The following ZNF322 variants were observed in gnomAD, a reference collection of about 807,000 sequenced individuals.
The protein encoded by ZNF322 is zinc finger protein 322.
Under a neutral mutation model 18.3 loss-of-function variants are expected in ZNF322, and 1 was observed. The observed-to-expected ratio is 0.05, with a 90% CI of 0.02 to 0.26. The LOEUF (loss-of-function observed/expected upper bound fraction) is 0.26. Ranked by LOEUF, ZNF322 falls within the 10% of genes least tolerant of loss-of-function variation. ZNF322 has a pLI of 1.00. For synonymous variants in ZNF322, 17 were observed against 130.7 expected (o/e 0.13, Z 5.93); for missense variants, 36 against 403.6 (o/e 0.09, Z 7.80).
At chr6:26,649,635 ATATG>A (rs1438302039) in intron 2 of ZNF322, among the ~76,000 whole-genome samples, 11 of 68,482 alleles carry the variant, frequency 1.6e-4, no homozygotes, top group South Asian at 5.5e-4. Context: ...ATATACATAC[ATATG>A]TGTGTGTGTG....
intron 2 of ZNF322, among the ~76,000 whole-genome samples, chr6:26,652,344 AATATAC>A (rs1219161973): frequency 6.6e-6 from 1 of 152,180 alleles, no homozygotes; most frequent in Non-Finnish European, 1.5e-5. Flanking sequence ...AATATACAAA[AATATAC>A]ATATACCCTT....
intron 2 of ZNF322, among the ~76,000 whole-genome samples, chr6:26,653,496 T>A (rs1554149414): frequency 1.3e-5 from 2 of 152,166 alleles, no homozygotes; most frequent in Non-Finnish European, 1.5e-5. Flanking sequence ...GTGAATAAAC[T>A]ATGGTACATA....
intron 2 of ZNF322, among the ~76,000 whole-genome samples, chr6:26,650,614 T>A (rs1554149113): frequency 6.6e-6 from 1 of 152,198 alleles, no homozygotes; most frequent in Non-Finnish European, 1.5e-5. Context: ...AGGGTTAACA[T>A]ACAAATCAAT....
intron 2 of ZNF322, among the ~76,000 whole-genome samples, chr6:26,647,766 C>T (rs1554148842): frequency 6.6e-6 from 1 of 152,044 alleles, no homozygotes; most frequent in Non-Finnish European, 1.5e-5. Context: ...ACATATTTTC[C>T]AGAGCACCGA....
intron 2 of ZNF322, among the ~76,000 whole-genome samples, chr6:26,645,286 C>T (rs1765536687): frequency 6.6e-6 from 1 of 152,230 alleles, no homozygotes; most frequent in Admixed American, 6.5e-5. Flanking sequence ...AAAGCCCACA[C>T]TGTCACCAAA....
intron 2 of ZNF322, chr6:26,651,388 C>G (rs1554149189): frequency 6.6e-6 from 1 of 152,026 alleles, no homozygotes; most frequent in Non-Finnish European, 1.5e-5. Flanking sequence ...ATAAAACAGT[C>G]TAACTGATAG....
At chr6:26,653,091 C>CA (rs1336945987) in intron 2 of ZNF322, among the ~76,000 whole-genome samples, 1 of 152,128 alleles carries the variant, frequency 6.6e-6, no homozygotes, top group Non-Finnish European at 1.5e-5. Flanking sequence ...TGTAAGGAAA[C>CA]AGACACACTC....
Position 26,657,075 on chromosome 6 carries a change from C to T in ZNF322, c.-246+1483G>A, listed in dbSNP as rs557249952. On this transcript the variant is annotated intron_variant, in intron 2 of 3. Coordinates refer to ENST00000415922, the MANE Select transcript of ZNF322 (RefSeq NM_024639.5). ...CATCCTGGCTAACACGGTGAAACCC[C>T]GTCTCTGCTAAAAAGTACAAAAAAA... 1.3e-3 allele frequency among the ~76,000 whole-genome samples: 192 copies of T among 152,156 alleles called. 1 individual carries two copies. Among genetic ancestry groups the T allele is most frequent in the African/African-American group, 3.8e-3 (159 of 41,548 alleles).
intron 2 of ZNF322, among the ~76,000 whole-genome samples, chr6:26,653,901 G>A (rs1765717201): frequency 6.6e-6 from 1 of 151,918 alleles, no homozygotes; most frequent in South Asian, 2.1e-4. Context: ...CAAGATGGAA[G>A]AGAAAAGCAT....
In ZNF322 at chr6:26,651,836, T is replaced by C. The variant is rs537559337; in HGVS notation, c.-246+6722A>G. Among the ~76,000 whole-genome samples, 5 of 152,248 alleles carry C rather than the reference T, an allele frequency of 3.3e-5. No homozygotes were observed. In the South Asian group the frequency reaches 8.3e-4, roughly 25 times the overall value. ...ATCTAGATAAACTCGGGTATAGCAATGACTTTATATTTTTGGGATGGGTCT... is the reference window on the plus strand; with the variant it reads ...ATCTAGATAAACTCGGGTATAGCAACGACTTTATATTTTTGGGATGGGTCT... On this transcript the variant is annotated intron_variant, in intron 2 of 3. Transcript: ENST00000415922.
chr6:26,640,317 T>C (rs1554148183), intron 3 of ZNF322, among the ~76,000 whole-genome samples: 1 of 152,228 alleles, frequency 6.6e-6, no homozygotes, highest in African/African-American at 2.4e-5. Context: ...TTAAGAAATC[T>C]GACTCGTAGT....
At chr6:26,655,002 G>A (rs188027616) in intron 2 of ZNF322, among the ~76,000 whole-genome samples, 4 of 152,156 alleles carry the variant, frequency 2.6e-5, no homozygotes, top group Non-Finnish European at 5.9e-5. Context: ...TCACTTCTGC[G>A]GTATCTTGCC....
intron 2 of ZNF322, among the ~76,000 whole-genome samples, chr6:26,645,918 C>A (rs1438053187): frequency 1.3e-5 from 2 of 151,864 alleles, no homozygotes; most frequent in African/African-American, 4.8e-5. Context: ...GTAATCCCAG[C>A]TACTTGGGAG....
At chr6:26,652,616 G>C (rs1581496379) in intron 2 of ZNF322, among the ~76,000 whole-genome samples, 1 of 152,130 alleles carries the variant, frequency 6.6e-6, no homozygotes, top group Non-Finnish European at 1.5e-5. Context: ...CTTGAACCTG[G>C]GAGGCAGAGG....
rs1460579815 is a variant in ZNF322 at position 26,637,159 on chromosome 6, G to GA, written c.*185dup. 6.3e-6 allele frequency: 3 copies of GA among 476,748 alleles called. No homozygotes were observed. Among genetic ancestry groups the GA allele is most frequent in the African/African-American group, 5.4e-5 (2 of 37,224 alleles). 29.5% of individuals were successfully genotyped at this position (476,748 alleles called of 1,614,324 possible). ...CTGGGCATCTGTAGATTTCTCGTTG[G>GA]AGTGAGGATGAAGTGTTCTGTTAGG... is the stretch of plus-strand genomic sequence containing the variant. On this transcript the variant is annotated 3_prime_UTR_variant, in exon 4 of 4. Coordinates refer to ENST00000415922, the MANE Select transcript of ZNF322 (RefSeq NM_024639.5).
At chr6:26,644,272 T>C (rs1240706762) in intron 2 of ZNF322, among the ~76,000 whole-genome samples, 2 of 152,152 alleles carry the variant, frequency 1.3e-5, no homozygotes, top group African/African-American at 4.8e-5. Flanking sequence ...ACTTAACCAT[T>C]GATGTCTTTC....
intron 2 of ZNF322, among the ~76,000 whole-genome samples, chr6:26,649,697 ATATATT>A (rs1765631357): frequency 1.9e-5 from 1 of 52,472 alleles, no homozygotes; most frequent in Non-Finnish European, 3.3e-5. Flanking sequence ...ATATATATAT[ATATATT>A]TTTTTTTTTT....
At chr6:26,645,203 T>C (rs1554148613) in intron 2 of ZNF322, among the ~76,000 whole-genome samples, 1 of 152,148 alleles carries the variant, frequency 6.6e-6, no homozygotes, top group East Asian at 1.9e-4. Flanking sequence ...GGGATAACAG[T>C]GGCTACAGAA....
chr6:26,657,592 T>A (rs1386796982), intron 2 of ZNF322, among the ~76,000 whole-genome samples: 1 of 152,184 alleles, frequency 6.6e-6, no homozygotes, highest in African/African-American at 2.4e-5. Context: ...ATACATTTTA[T>A]ATTTATTCGT....
Sources: allele counts gnomAD v4.1 joint callset (sites outside exome capture counted in the v4.1 genomes callset), GRCh38; gene constraint gnomAD v4.1.1; transcripts MANE v1.5; gene names NCBI Gene and HGNC (gene_info 2026-07-23, HGNC 2026-07-21).